Variants in SRP14 observed in about 807,000 individuals in gnomAD.
The protein encoded by SRP14 is signal recognition particle 14 kDa protein.
A neutral mutation model predicts 16.0 loss-of-function variants in SRP14; 1 was observed. That is an observed-to-expected ratio of 0.06 (90% confidence interval 0.02 to 0.30). SRP14 has a LOEUF of 0.30. Ranked by LOEUF, SRP14 falls within the 10% of genes least tolerant of loss-of-function variation. The probability of loss-of-function intolerance (pLI) is 1.00; values close to 1 mark genes in which losing one functional copy is unlikely to be tolerated. For synonymous variants in SRP14, 67 were observed against 60.1 expected (o/e 1.12, Z -0.53); for missense variants, 120 against 163.1 (o/e 0.74, Z 1.44).
At chr15:40,037,740 A>C (rs997463778) in intron 3 of SRP14, among the ~76,000 whole-genome samples, 13 of 152,358 alleles carry the variant, frequency 8.5e-5, no homozygotes, top group African/African-American at 3.1e-4. Context: ...ATTTTCATGC[A>C]GTCAGTATCC....
chr15:40,039,127 C>A lies in SRP14; in HGVS notation c.-11G>T. 5 of 1,610,028 alleles carry A rather than the reference C, an allele frequency of 3.1e-6. No individual in the cohort carries two copies. The highest frequency in any genetic ancestry group is 4.2e-6 in the Non-Finnish European group (5 of 1,178,828). Reference sequence around the variant, plus strand: ...CTCCAACAACACCATCGCGGCGACGCTGGCTCGACTCCCTCCGCTTAAGCC... The same window carrying A: ...CTCCAACAACACCATCGCGGCGACGATGGCTCGACTCCCTCCGCTTAAGCC... On this transcript the variant is annotated 5_prime_UTR_variant, in exon 1 of 5. Transcript: ENST00000267884.
At chr15:40,036,910 T>G (rs923847347) in intron 4 of SRP14, 76 bp downstream of exon 4, 1 of 1,515,380 alleles carries the variant, frequency 6.6e-7, no homozygotes, top group Non-Finnish European at 9.2e-7. Context: ...AACCCAAGTA[T>G]CAATCTTACC....
At chr15:40,038,744 G>A (rs921012690) in intron 2 of SRP14, 132 bp downstream of exon 2, 4 of 966,660 alleles carry the variant, frequency 4.1e-6, no homozygotes, top group Admixed American at 4.8e-5. Context: ...TTCCGGGCCC[G>A]AAGCCCCGAA....
chr15:40,036,240 C>G lies in SRP14; in HGVS notation c.*93G>C. 6.4e-7 allele frequency: 1 copy of G among 1,569,056 alleles called. No homozygotes were observed. Among genetic ancestry groups the G allele is most frequent in the Non-Finnish European group, 8.7e-7 (1 of 1,153,524 alleles). ...GGACCCTAATCTTATGTGAAAACACCTACTGTGGGGGAACCAGAAACCTAG... is the reference window on the plus strand; with the variant it reads ...GGACCCTAATCTTATGTGAAAACACGTACTGTGGGGGAACCAGAAACCTAG... On this transcript the variant is annotated 3_prime_UTR_variant, in exon 5 of 5. Coordinates refer to ENST00000267884, the MANE Select transcript of SRP14 (RefSeq NM_003134.6).
At chr15:40,037,253 G>C in intron 3 of SRP14, 1 of 1,211,878 alleles carries the variant, frequency 8.3e-7, no homozygotes, top group South Asian at 1.7e-5. Flanking sequence ...GCACCAAGAG[G>C]TGAAAGGCAG....
Position 40,036,489 on chromosome 15 carries a change from G to A in SRP14, c.255C>T (p.Asn85=). ...EVNKFQMAYS[N]LLRANMDGLK... is the part of the protein sequence containing the mutation. Reference sequence around the variant, plus strand: ...GCCCATCCATGTTAGCTCTAAGGAGGTTTGAATAAGCCTGAAAGATACAAC... The same window carrying A: ...GCCCATCCATGTTAGCTCTAAGGAGATTTGAATAAGCCTGAAAGATACAAC... Residue 85 remains asparagine (N), a synonymous_variant, in exon 5 of 5, where the codon AAC becomes AAT. Coordinates refer to ENST00000267884, the MANE Select transcript of SRP14 (RefSeq NM_003134.6). The A allele has an allele frequency of 6.2e-7, 1 of 1,614,040 alleles. No individual in the cohort carries two copies. The highest frequency in any genetic ancestry group is 8.5e-7 in the Non-Finnish European group (1 of 1,179,990).
chr15:40,036,630 C>T (rs118134816), intron 4 of SRP14, 130 bp from the exon 5 acceptor site: 20 of 890,158 alleles, frequency 2.2e-5, no homozygotes, highest in Admixed American at 9.0e-5. Flanking sequence ...ACACTTGTAC[C>T]GGAAAATGGT....
At chr15:40,039,200 G>A, upstream of SRP14, 4 of 1,486,118 alleles carry the variant, frequency 2.7e-6, no homozygotes, top group Non-Finnish European at 3.6e-6. Flanking sequence ...CGGGACTTCC[G>A]CTACTAGACT....
In SRP14 at chr15:40,036,364, G is replaced by T; in HGVS notation, c.380C>A (p.Ala127Glu). 6.2e-7 allele frequency: 1 copy of T among 1,602,168 alleles called. No individual in the cohort carries two copies. Among genetic ancestry groups the T allele is most frequent in the South Asian group, 1.1e-5 (1 of 90,316 alleles). ...TGCTGCTGTTGCTGCTGTTGTTGCT[G>T]CTGTTGTTGGTGCTGTTGCTGCTGC... ...PAAAATAPTT[A>E]ATTAATAAQ Residue 127 changes from alanine to glutamate, a missense_variant, in exon 5 of 5, where the codon GCA (alanine) becomes GAA (glutamate). Physicochemically the swap from Ala to Glu is moderately radical, Grantham distance 107. This residue lies in a region of SRP14 where 43 missense variants were observed against 37.0 expected (regional missense o/e 1.16). Transcript: ENST00000267884.
chr15:40,037,293 A>AAAAAAAAAAAC, intron 3 of SRP14: 1 of 1,355,272 alleles, frequency 7.4e-7, no homozygotes, highest in Non-Finnish European at 9.5e-7. Flanking sequence ...AAAAAAAAAA[A>AAAAAAAAAAAC]AGCTTTGTTT....
intron 2 of SRP14, 106 bp from the exon 3 acceptor site, chr15:40,038,500 C>A: frequency 1.3e-6 from 1 of 747,674 alleles, no homozygotes; most frequent in African/African-American, 1.7e-5. Flanking sequence ...AACCCAGCCC[C>A]GCTGCTCTAG....
At chr15:40,038,769 G>C (rs1227203251) in intron 2 of SRP14, 107 bp downstream of exon 2, 1 of 1,208,804 alleles carries the variant, frequency 8.3e-7, no homozygotes. Flanking sequence ...CTCAGTACAG[G>C]GTGGGGAAAG....
chr15:40,039,117 C>T lies in SRP14; in HGVS notation c.-1G>A, dbSNP rs1341569772. 3 of 1,611,694 alleles carry T rather than the reference C, an allele frequency of 1.9e-6. No individual in the cohort carries two copies. The highest frequency in any genetic ancestry group is 3.3e-5 in the Admixed American group (2 of 59,846). The stretch of plus-strand genomic sequence containing the variant: ...CCTGCTCGCTCTCCAACAACACCAT[C>T]GCGGCGACGCTGGCTCGACTCCCTC... On this transcript the variant is annotated 5_prime_UTR_variant, in exon 1 of 5. Transcript: ENST00000267884.
intron 3 of SRP14, among the ~76,000 whole-genome samples, chr15:40,037,707 A>G (rs76546220): frequency 0.014 from 2,061 of 151,614 alleles, 85 homozygotes; most frequent in African/African-American, 0.048. Flanking sequence ...ATAACTCAAG[A>G]CTTCCAACTA....
chr15:40,038,035 C>A (rs2035657179), intron 3 of SRP14, among the ~76,000 whole-genome samples: 1 of 152,222 alleles, frequency 6.6e-6, no homozygotes, highest in South Asian at 2.1e-4. Flanking sequence ...TACAGTACTA[C>A]GAATAAGGAC....
chr15:40,039,150 G>A lies in SRP14; in HGVS notation c.-34C>T, dbSNP rs570525777. 2.5e-6 allele frequency: 4 copies of A among 1,602,552 alleles called. 1 individual carries two copies. Among genetic ancestry groups the A allele is most frequent in the East Asian group, 4.5e-5 (2 of 44,492 alleles). On this transcript the variant is annotated 5_prime_UTR_variant, in exon 1 of 5. Transcript: ENST00000267884. Reference sequence around the variant, plus strand: ...CGCTGGCTCGACTCCCTCCGCTTAAGCCCCTAGCAGTGAGAGCCGGAAGTT... The same window carrying A: ...CGCTGGCTCGACTCCCTCCGCTTAAACCCCTAGCAGTGAGAGCCGGAAGTT...
At chr15:40,036,632 G>C in intron 4 of SRP14, 132 bp from the exon 5 acceptor site, 1 of 878,212 alleles carries the variant, frequency 1.1e-6, no homozygotes, top group Non-Finnish European at 1.8e-6. Flanking sequence ...ACTTGTACCG[G>C]AAAATGGTAT....
In SRP14 at chr15:40,038,963, G is replaced by C. The variant is rs1595446500; in HGVS notation, c.25-15C>G. 6.2e-7 allele frequency: 1 copy of C among 1,609,890 alleles called. No individual in the cohort carries two copies. ...TCCGTCAGGAACTGGAAAACAACAG[G>C]CCCAGCCCCGTTAGCCAGCCCCAAA... is the stretch of plus-strand genomic sequence containing the variant. On this transcript the variant is annotated splice_polypyrimidine_tract_variant and intron_variant, in intron 1 of 4. Transcript: ENST00000267884.
At chr15:40,038,788 A>G in intron 2 of SRP14, 88 bp downstream of exon 2, 1 of 1,412,438 alleles carries the variant, frequency 7.1e-7, no homozygotes, top group Non-Finnish European at 9.9e-7. Flanking sequence ...AGGTAGAGGA[A>G]GGCGGCGGTC....
Sources: allele counts gnomAD v4.1 joint callset (sites outside exome capture counted in the v4.1 genomes callset), GRCh38; gene constraint gnomAD v4.1.1; regional missense constraint gnomAD v4.1.1; transcripts MANE v1.5; gene names NCBI Gene and HGNC (gene_info 2026-07-23, HGNC 2026-07-21).